AKAIN1: variants seen among roughly 807,000 people sequenced by gnomAD.
AKAIN1 encodes A-kinase anchor protein inhibitor 1.
In AKAIN1, 3 loss-of-function variants were observed where a neutral mutation model predicts 3.7. That is an observed-to-expected ratio of 0.82 (90% confidence interval 0.37 to 2.12). The LOEUF is 2.12. Ranked by LOEUF, AKAIN1 falls within the 30% of genes most tolerant of loss-of-function variation. The pLI is 0.06. For synonymous variants in AKAIN1, 31 were observed against 30.8 expected (o/e 1.01, Z -0.02); for missense variants, 82 against 82.7 (o/e 0.99, Z 0.03).
intron 1 of AKAIN1, among the ~76,000 whole-genome samples, chr18:5,154,496 C>CT (rs1336603963): frequency 6.6e-6 from 1 of 151,966 alleles, no homozygotes; most frequent in African/African-American, 2.4e-5. Flanking sequence ...CCAAGAGTTT[C>CT]TTTTTTCTTG....
intron 1 of AKAIN1, among the ~76,000 whole-genome samples, chr18:5,162,169 A>G (rs1213586727): frequency 6.6e-6 from 1 of 152,090 alleles, no homozygotes. Flanking sequence ...ACATTTTCTC[A>G]CCTGGCCTAT....
chr18:5,162,175 C>A (rs1336035968), intron 1 of AKAIN1, among the ~76,000 whole-genome samples: 2 of 152,062 alleles, frequency 1.3e-5, no homozygotes, highest in East Asian at 3.9e-4. Flanking sequence ...TCTCACCTGG[C>A]CTATTTACTA....
chr18:5,146,083 T>C (rs2071047736), intron 1 of AKAIN1, among the ~76,000 whole-genome samples: 3 of 152,246 alleles, frequency 2.0e-5, no homozygotes, highest in Non-Finnish European at 4.4e-5. Context: ...TATACTATAT[T>C]TTAAAAATTG....
intron 1 of AKAIN1, among the ~76,000 whole-genome samples, chr18:5,163,017 A>G (rs1260648541): frequency 1.3e-5 from 2 of 151,980 alleles, no homozygotes; most frequent in Admixed American, 1.3e-4. Flanking sequence ...GATTCGGCTC[A>G]GGAATGTACA....
At chr18:5,145,987 A>G (rs2071047331) in intron 1 of AKAIN1, among the ~76,000 whole-genome samples, 2 of 152,174 alleles carry the variant, frequency 1.3e-5, no homozygotes, top group South Asian at 4.1e-4. Context: ...TTTGCATATA[A>G]TCTACACACA....
intron 1 of AKAIN1, among the ~76,000 whole-genome samples, chr18:5,177,577 C>T (rs1470440440): frequency 6.6e-6 from 1 of 151,588 alleles, no homozygotes; most frequent in Non-Finnish European, 1.5e-5. Context: ...CAATTCAATC[C>T]CAGAACCCTC....
intron 1 of AKAIN1, among the ~76,000 whole-genome samples, chr18:5,192,449 T>TTTCTTTCTTTCTTTC: frequency 1.8e-5 from 1 of 55,088 alleles, no homozygotes; most frequent in African/African-American, 5.7e-5. Context: ...TTCTTTCTTT[T>TTTCTTTCTTTCTTTC]TCTTTTCTTT....
At chr18:5,186,395 G>A (rs919226912) in intron 1 of AKAIN1, among the ~76,000 whole-genome samples, 1 of 151,960 alleles carries the variant, frequency 6.6e-6, no homozygotes, top group Non-Finnish European at 1.5e-5. Context: ...AAAAGCACTG[G>A]ATTTATTATC....
chr18:5,156,273 C>T (rs2071107822), intron 1 of AKAIN1, among the ~76,000 whole-genome samples: 1 of 152,132 alleles, frequency 6.6e-6, no homozygotes, highest in African/African-American at 2.4e-5. Flanking sequence ...ACACCCCCAC[C>T]GTATGCCACT....
chr18:5,183,730 G>A (rs1051097814), intron 1 of AKAIN1, among the ~76,000 whole-genome samples: 2 of 152,028 alleles, frequency 1.3e-5, no homozygotes, highest in Non-Finnish European at 2.9e-5. Context: ...TGAAACCATT[G>A]CTCTTAGGAA....
Position 5,144,060 on chromosome 18 carries a change from G to C in AKAIN1, c.*1502C>G, listed in dbSNP as rs763976203. ...GAATTCTGCTAAAAGAAATACTTGT[G>C]AGTAAACAATCTTTAAATTTTAAGC... On this transcript the variant is annotated 3_prime_UTR_variant, in exon 2 of 2. Coordinates refer to ENST00000434239, the MANE Select transcript of AKAIN1 (RefSeq NM_001145194.2). Among the ~76,000 whole-genome samples, 8 of 152,088 alleles carry C rather than the reference G, an allele frequency of 5.3e-5. No individual in the cohort carries two copies. The highest frequency in any genetic ancestry group is 1.0e-4 in the Non-Finnish European group (7 of 68,030).
At chr18:5,169,664 G>A (rs2071186624) in intron 1 of AKAIN1, among the ~76,000 whole-genome samples, 1 of 152,028 alleles carries the variant, frequency 6.6e-6, no homozygotes, top group South Asian at 2.1e-4. Flanking sequence ...CTCCTCTGAG[G>A]TCTCTCTTAG....
rs142566033 is a variant in AKAIN1 at position 5,192,438 on chromosome 18, TTTC to T, written c.16+4597_16+4599del. 1.0e-2 allele frequency among the ~76,000 whole-genome samples: 1,121 copies of T among 112,284 alleles called. 41 individuals are homozygous for T. The East Asian group carries it at 0.18, about 18-fold the overall frequency. The allele number at this position is 112,284 out of a possible 152,430, so 73.7% of individuals were successfully genotyped here. On this transcript the variant is annotated intron_variant, in intron 1 of 1. Transcript: ENST00000434239. ...CTTTCTTTCTTTCTTTCTTTCTTTC[TTTC>T]TTTCTTTTTCTTTTCTTTGGTAGAG...
intron 1 of AKAIN1, among the ~76,000 whole-genome samples, chr18:5,192,581 A>C (rs1326613636): frequency 6.6e-6 from 1 of 152,060 alleles, no homozygotes; most frequent in East Asian, 1.9e-4. Context: ...CTCTCCACAC[A>C]TCGAATCTGC....
upstream of AKAIN1, chr18:5,197,275 G>T: frequency 7.3e-7 from 1 of 1,373,018 alleles, no homozygotes; most frequent in Non-Finnish European, 9.3e-7. This position sits in a 1 kb window ranked among gnomAD's most constrained non-coding sequence, Gnocchi z 6.9. Flanking sequence ...CAGCGGCGGC[G>T]GGAGGAGGAG....
chr18:5,197,012 T>A lies in AKAIN1; in HGVS notation c.16+26A>T. 2 of 1,541,708 alleles carry A rather than the reference T, an allele frequency of 1.3e-6. No individual in the cohort carries two copies. The highest frequency in any genetic ancestry group is 1.2e-5 in the South Asian group (1 of 83,844). On this transcript the variant is annotated intron_variant, in intron 1 of 1. Transcript: ENST00000434239. The surrounding 1 kb of genome is among the most constrained non-coding windows in gnomAD (Gnocchi z 6.9). The stretch of plus-strand genomic sequence containing the variant: ...CTACCCTGCTCCCCTCCTAGACACT[T>A]GGTGAAAAAGCAAGGTGCGGTGTAC...
Position 5,197,232 on chromosome 18 carries a change from G to C in AKAIN1, c.-179C>G, listed in dbSNP as rs1007477854. The C allele has an allele frequency of 1.4e-6, 2 of 1,385,198 alleles. No homozygotes were observed. The highest frequency in any genetic ancestry group is 1.9e-6 in the Non-Finnish European group (2 of 1,080,614). 85.8% of individuals were successfully genotyped at this position (1,385,198 alleles called of 1,614,324 possible). On this transcript the variant is annotated 5_prime_UTR_variant, in exon 1 of 2. Transcript: ENST00000434239. This position sits in a 1 kb window ranked among gnomAD's most constrained non-coding sequence, Gnocchi z 6.9. ...AGATCCTGGGGCCGCAGCTCCAGCCGCCGCCGCGCGCTCTGCCTCCACAAT... is the reference window on the plus strand; with the variant it reads ...AGATCCTGGGGCCGCAGCTCCAGCCCCCGCCGCGCGCTCTGCCTCCACAAT...
At chr18:5,193,177 C>G (rs531837234) in intron 1 of AKAIN1, among the ~76,000 whole-genome samples, 5 of 152,028 alleles carry the variant, frequency 3.3e-5, no homozygotes, top group Non-Finnish European at 7.4e-5. Context: ...AATATTGGTG[C>G]GAAATATTTT....
intron 1 of AKAIN1, among the ~76,000 whole-genome samples, chr18:5,186,656 T>C (rs1057422523): frequency 2.0e-5 from 3 of 152,114 alleles, no homozygotes; most frequent in African/African-American, 7.2e-5. Flanking sequence ...TCAGTAAGGA[T>C]ATAAAAGAGG....
Sources: gnomAD v4.1 joint callset for allele counts (sites outside exome capture counted in the v4.1 genomes callset) on GRCh38, gnomAD v4.1.1 for gene constraint, Gnocchi (gnomAD v3.1) non-coding constraint, MANE v1.5 for transcripts, NCBI Gene and HGNC (gene_info 2026-07-23, HGNC 2026-07-21) for gene names.